Variants in SCARA5 observed in about 807,000 individuals in gnomAD.
SCARA5 encodes scavenger receptor class A member 5.
Under a neutral mutation model 46.3 loss-of-function variants are expected in SCARA5, and 45 were observed. The ratio of observed to expected loss-of-function variants is 0.97; its 90% CI spans 0.76 to 1.24. SCARA5 has a LOEUF of 1.24. SCARA5 is among the 50% of genes most tolerant of loss of function. SCARA5 has a pLI of 0.00. For synonymous variants in SCARA5, 333 were observed against 306.5 expected (o/e 1.09, Z -0.90); for missense variants, 680 against 689.0 (o/e 0.99, Z 0.15).
intron 3 of SCARA5, among the ~76,000 whole-genome samples, chr8:27,957,661 A>T (rs896955531): frequency 3.9e-5 from 6 of 152,168 alleles, no homozygotes; most frequent in African/African-American, 1.4e-4. Context: ...CAGTCCAGGC[A>T]CCCATTCCCC....
At chr8:27,983,537 C>T (rs1301505697) in intron 2 of SCARA5, among the ~76,000 whole-genome samples, 1 of 152,228 alleles carries the variant, frequency 6.6e-6, no homozygotes, top group Non-Finnish European at 1.5e-5. Context: ...TAAGGAGACT[C>T]AGAGTCCGGT....
intron 3 of SCARA5, among the ~76,000 whole-genome samples, chr8:27,932,639 T>C (rs1418973055): frequency 2.0e-5 from 3 of 152,316 alleles, no homozygotes; most frequent in African/African-American, 7.2e-5. Context: ...TCATTTTCTT[T>C]TTTTAAGACA....
chr8:27,969,728 A>G, intron 2 of SCARA5, among the ~76,000 whole-genome samples: 1 of 152,248 alleles, frequency 6.6e-6, no homozygotes, highest in Middle Eastern at 3.4e-3. Context: ...ATATTGACAG[A>G]GGGGGAGGCT....
At chr8:27,939,928 C>A (rs1053095988) in intron 3 of SCARA5, among the ~76,000 whole-genome samples, 1 of 152,180 alleles carries the variant, frequency 6.6e-6, no homozygotes, top group Admixed American at 6.5e-5. Flanking sequence ...CTTGCCCTAG[C>A]AAGAGACTCC....
intron 3 of SCARA5, among the ~76,000 whole-genome samples, chr8:27,965,091 G>A (rs866193440): frequency 3.9e-5 from 6 of 152,120 alleles, no homozygotes; most frequent in African/African-American, 9.7e-5. Flanking sequence ...AGGTTCTCTC[G>A]TTGTTGCTGT....
At chr8:27,985,051 G>T (rs377146161) in intron 2 of SCARA5, among the ~76,000 whole-genome samples, 1 of 152,338 alleles carries the variant, frequency 6.6e-6, no homozygotes, top group East Asian at 1.9e-4. Context: ...CTTACTGTAT[G>T]CTGGGCTCAG....
At chr8:27,895,256 T>G (rs934793668) in intron 7 of SCARA5, among the ~76,000 whole-genome samples, 5 of 152,138 alleles carry the variant, frequency 3.3e-5, no homozygotes, top group Admixed American at 2.6e-4. Context: ...AAGTTGAACT[T>G]TCATTCTCTT....
In SCARA5 at chr8:27,907,076, T is replaced by A. The variant is rs1789903171; in HGVS notation, c.1096+72A>T. The A allele has an allele frequency of 9.6e-6, 10 of 1,040,812 alleles. No homozygotes were observed. The South Asian group carries it at 1.4e-4, about 14-fold the overall frequency. The allele number at this position is 1,040,812 out of a possible 1,614,324, so 64.5% of individuals were successfully genotyped here. A position where few individuals can be genotyped will look rare whatever the true frequency, so the allele number is the denominator to read the frequency against. ...GGCACAGTGAAGATAAGAGTCCTGGTCCCCCATGCCAATGCCCATGTGCTG... is the reference window on the plus strand; with the variant it reads ...GGCACAGTGAAGATAAGAGTCCTGGACCCCCATGCCAATGCCCATGTGCTG... On this transcript the variant is annotated intron_variant, in intron 6 of 8. Transcript: ENST00000354914.
At chr8:27,918,112 A>G (rs1807492363) in intron 4 of SCARA5, among the ~76,000 whole-genome samples, 1 of 152,222 alleles carries the variant, frequency 6.6e-6, no homozygotes, top group Middle Eastern at 3.2e-3. Flanking sequence ...AGAACCAGGC[A>G]TTGGGCTTAA....
chr8:27,963,343 T>C (rs1401187407), intron 3 of SCARA5, among the ~76,000 whole-genome samples: 2 of 152,234 alleles, frequency 1.3e-5, no homozygotes, highest in Non-Finnish European at 2.9e-5. Context: ...TGATGGTCTC[T>C]ACTGTTCAAA....
At chr8:27,881,215 A>G (rs1226996491) in intron 7 of SCARA5, among the ~76,000 whole-genome samples, 5 of 152,352 alleles carry the variant, frequency 3.3e-5, no homozygotes, top group African/African-American at 1.2e-4. Context: ...AGGAAAATAA[A>G]TCATTCTACC....
At chr8:27,914,151 A>T (rs1807423360) in intron 4 of SCARA5, among the ~76,000 whole-genome samples, 1 of 152,162 alleles carries the variant, frequency 6.6e-6, no homozygotes, top group African/African-American at 2.4e-5. Context: ...GGAGTTCTGC[A>T]CACACTCTCT....
At chr8:27,898,412 G>A (rs533072600) in intron 7 of SCARA5, among the ~76,000 whole-genome samples, 11 of 152,314 alleles carry the variant, frequency 7.2e-5, no homozygotes, top group South Asian at 2.1e-4. Context: ...AATTGTGGCC[G>A]GAGAGGCTAA....
At chr8:27,954,555 A>G (rs1006825659) in intron 3 of SCARA5, among the ~76,000 whole-genome samples, 1 of 152,238 alleles carries the variant, frequency 6.6e-6, no homozygotes, top group Non-Finnish European at 1.5e-5. Flanking sequence ...AAATGGCTGC[A>G]TAATACTCCT....
At chr8:27,984,547 T>C (rs1251453242) in intron 2 of SCARA5, among the ~76,000 whole-genome samples, 1 of 152,156 alleles carries the variant, frequency 6.6e-6, no homozygotes, top group African/African-American at 2.4e-5. Context: ...CATTCATCCA[T>C]CCATCCATTC....
chr8:27,936,184 C>G (rs1315601014), intron 3 of SCARA5, among the ~76,000 whole-genome samples: 1 of 152,048 alleles, frequency 6.6e-6, no homozygotes, highest in African/African-American at 2.4e-5. Flanking sequence ...AATGCAAGTG[C>G]CATCTGGAGA....
At chr8:27,933,340 T>G (rs1382503303) in intron 3 of SCARA5, among the ~76,000 whole-genome samples, 1 of 151,742 alleles carries the variant, frequency 6.6e-6, no homozygotes, top group African/African-American at 2.4e-5. Flanking sequence ...TGACTAACAT[T>G]GTGAAGCCCC....
At chr8:27,967,367 C>A (rs1344217288) in intron 2 of SCARA5, among the ~76,000 whole-genome samples, 1 of 152,150 alleles carries the variant, frequency 6.6e-6, no homozygotes, top group Non-Finnish European at 1.5e-5. Flanking sequence ...CCAGGTTGAT[C>A]TTTTAGCTGA....
chr8:27,947,441 T>C (rs1253333298), intron 3 of SCARA5, among the ~76,000 whole-genome samples: 1 of 152,058 alleles, frequency 6.6e-6, no homozygotes, highest in Non-Finnish European at 1.5e-5. Context: ...TTCATAGCAG[T>C]ATTATTCACA....
Sources: gnomAD v4.1 joint callset for allele counts (sites outside exome capture counted in the v4.1 genomes callset) on GRCh38, gnomAD v4.1.1 for gene constraint, MANE v1.5 for transcripts, NCBI Gene and HGNC (gene_info 2026-07-23, HGNC 2026-07-21) for gene names.